Variants in MACROD2 observed in about 807,000 individuals in gnomAD.
MACROD2 encodes mono-ADP ribosylhydrolase 2, also known as ADP-ribose glycohydrolase MACROD2.
Under a neutral mutation model 70.4 loss-of-function variants are expected in MACROD2, and 36 were observed. The observed-to-expected ratio is 0.51, with a 90% CI of 0.39 to 0.68. The LOEUF (loss-of-function observed/expected upper bound fraction) is 0.68. MACROD2 is among the 30% of genes least tolerant of loss of function. The pLI, the probability that MACROD2 is intolerant of heterozygous loss-of-function variation, is 0.00. For synonymous variants in MACROD2, 172 were observed against 178.8 expected (o/e 0.96, Z 0.30); for missense variants, 496 against 538.4 (o/e 0.92, Z 0.78).
chr20:14,060,075 T>G (rs958661527), intron 2 of MACROD2, among the ~76,000 whole-genome samples: 1 of 152,218 alleles, frequency 6.6e-6, no homozygotes, highest in African/African-American at 2.4e-5. Context: ...GGTGGAAAAC[T>G]ATAGGTTATG....
chr20:15,582,698 A>G (rs2048542101), intron 8 of MACROD2, among the ~76,000 whole-genome samples: 1 of 152,190 alleles, frequency 6.6e-6, no homozygotes, highest in South Asian at 2.1e-4. Flanking sequence ...TGTAGGTAGT[A>G]GCCTTCCTGT....
intron 12 of MACROD2, among the ~76,000 whole-genome samples, chr20:15,961,201 T>G (rs1389217027): frequency 6.6e-6 from 1 of 152,042 alleles, no homozygotes; most frequent in Non-Finnish European, 1.5e-5. Context: ...CATGGGGGAA[T>G]GGGGGCCCAT....
intron 15 of MACROD2, among the ~76,000 whole-genome samples, chr20:16,021,136 A>G (rs1327547929): frequency 6.6e-6 from 1 of 152,194 alleles, no homozygotes; most frequent in Non-Finnish European, 1.5e-5. Flanking sequence ...TCACCTTAAA[A>G]ATATGACAAC....
intron 3 of MACROD2, among the ~76,000 whole-genome samples, chr20:14,107,241 G>A (rs2054380996): frequency 6.6e-6 from 1 of 152,110 alleles, no homozygotes; most frequent in Non-Finnish European, 1.5e-5. Flanking sequence ...GTTGAAAAAT[G>A]CAAGCAACAT....
At chr20:15,516,998 C>T (rs2047576609) in intron 8 of MACROD2, among the ~76,000 whole-genome samples, 2 of 152,144 alleles carry the variant, frequency 1.3e-5, no homozygotes, top group African/African-American at 4.8e-5. Context: ...AAGTAGTATG[C>T]AACGTAACCA....
chr20:15,703,791 T>C (rs532718996), intron 8 of MACROD2, among the ~76,000 whole-genome samples: 1 of 152,288 alleles, frequency 6.6e-6, no homozygotes, highest in South Asian at 2.1e-4. Flanking sequence ...AGCTGGCAAA[T>C]TGGTGCTGGT....
intron 5 of MACROD2, among the ~76,000 whole-genome samples, chr20:15,009,791 T>A (rs917378441): frequency 4.0e-5 from 6 of 150,728 alleles, no homozygotes; most frequent in African/African-American, 1.2e-4. Context: ...TTTTTTTTTT[T>A]ACCACTGAAT....
At chr20:14,055,001 A>G (rs1023337997) in intron 2 of MACROD2, among the ~76,000 whole-genome samples, 2 of 152,202 alleles carry the variant, frequency 1.3e-5, no homozygotes, top group African/African-American at 4.8e-5. Context: ...GTATGTTGAC[A>G]AAAGAAAACA....
intron 6 of MACROD2, among the ~76,000 whole-genome samples, chr20:15,246,744 G>T (rs966448366): frequency 1.3e-5 from 2 of 152,030 alleles, no homozygotes; most frequent in Non-Finnish European, 2.9e-5. Context: ...TGAGAATATA[G>T]GTCTGCATAT....
intron 6 of MACROD2, among the ~76,000 whole-genome samples, chr20:15,278,260 G>A (rs900227354): frequency 2.1e-4 from 32 of 152,170 alleles, no homozygotes; most frequent in Non-Finnish European, 1.5e-5. Context: ...TTATGAGGAA[G>A]GAGTAAAGGA....
At position 14,444,347 on chromosome 20, in the gene MACROD2, T is replaced by C. The variant is rs927400448; in HGVS notation, c.272-49132T>C. 1.3e-4 allele frequency among the ~76,000 whole-genome samples: 20 copies of C among 152,108 alleles called. 1 individual carries two copies. Among genetic ancestry groups the C allele is most frequent in the African/African-American group, 4.6e-4 (19 of 41,378 alleles). ...CATTTTGTGTGACTTAGCAGCAGCA[T>C]ATGACAAATGATCGCCATTCCCTCC... On this transcript the variant is annotated intron_variant, in intron 3 of 17. Coordinates refer to ENST00000684519, the MANE Select transcript of MACROD2 (RefSeq NM_001351661.2).
chr20:15,548,669 C>T (rs2048056409), intron 8 of MACROD2, among the ~76,000 whole-genome samples: 1 of 152,168 alleles, frequency 6.6e-6, no homozygotes, highest in South Asian at 2.1e-4. Flanking sequence ...GCTGGGATTA[C>T]AGGTGTGAGC....
chr20:15,888,096 C>T (rs2064844500), intron 10 of MACROD2, among the ~76,000 whole-genome samples: 1 of 152,144 alleles, frequency 6.6e-6, no homozygotes, highest in Non-Finnish European at 1.5e-5. Context: ...TCTTGTGATA[C>T]TTACTAAAAT....
intron 3 of MACROD2, among the ~76,000 whole-genome samples, chr20:14,445,580 A>G (rs1013975262): frequency 3.9e-5 from 6 of 152,074 alleles, no homozygotes; most frequent in Non-Finnish European, 8.8e-5. Context: ...TTTGTTTATC[A>G]TACAGTGTAA....
intron 3 of MACROD2, among the ~76,000 whole-genome samples, chr20:14,228,744 A>C (rs769687726): frequency 1.2e-4 from 19 of 152,220 alleles, no homozygotes; most frequent in Non-Finnish European, 2.5e-4. Context: ...GAGGTGGCTC[A>C]TGCCTGTAAT....
At chr20:15,347,304 T>C (rs1460481381) in intron 6 of MACROD2, among the ~76,000 whole-genome samples, 1 of 152,130 alleles carries the variant, frequency 6.6e-6, no homozygotes, top group African/African-American at 2.4e-5. Flanking sequence ...TTCCAAGGTA[T>C]TTTTTTCTGA....
chr20:15,704,830 A>G (rs1356925039), intron 8 of MACROD2, among the ~76,000 whole-genome samples: 2 of 152,246 alleles, frequency 1.3e-5, no homozygotes, highest in Non-Finnish European at 2.9e-5. Context: ...TGAAGTCACG[A>G]ATCACTCAAG....
chr20:14,143,723 C>T (rs11906933), intron 3 of MACROD2, among the ~76,000 whole-genome samples: 30,966 of 152,030 alleles, frequency 0.2, 3,278 homozygotes, highest in Admixed American at 0.24. Context: ...CCATTAATCT[C>T]GCTTCACACT....
intron 5 of MACROD2, among the ~76,000 whole-genome samples, chr20:15,177,370 G>A (rs534154552): frequency 2.0e-5 from 3 of 152,338 alleles, no homozygotes; most frequent in East Asian, 3.9e-4. Flanking sequence ...GCCTGTTGGG[G>A]GTGGAGTGGA....
Sources: allele counts gnomAD v4.1 joint callset (sites outside exome capture counted in the v4.1 genomes callset), GRCh38; gene constraint gnomAD v4.1.1; transcripts MANE v1.5; gene names NCBI Gene and HGNC (gene_info 2026-07-23, HGNC 2026-07-21).